The following SULF1 variants were observed in gnomAD, a reference collection of about 807,000 sequenced individuals.
SULF1 encodes sulfatase 1.
SULF1 carries 46 observed loss-of-function variants against 110.5 expected under a neutral mutation model. That is an observed-to-expected ratio of 0.42 (90% confidence interval 0.33 to 0.53). The LOEUF is 0.53. Among genes scored for constraint, SULF1 ranks in the 20% least tolerant of loss-of-function variants. The pLI is 0.12. For missense variants in SULF1, 941 were observed against 1,094.2 expected, an observed-to-expected ratio of 0.86 and a Z score of 1.98; for synonymous variants, 371 against 387.1, an observed-to-expected ratio of 0.96 and a Z score of 0.49.
chr8:69,588,575 TTAAAG>T (rs754150335), intron 7 of SULF1, among the ~76,000 whole-genome samples: 121 of 152,210 alleles, frequency 7.9e-4, no homozygotes, highest in Non-Finnish European at 1.1e-3. Flanking sequence ...TTTCCTGCCC[TTAAAG>T]TAATTAAATT....
intron 3 of SULF1, among the ~76,000 whole-genome samples, chr8:69,520,936 A>C (rs898439639): frequency 6.6e-6 from 1 of 152,176 alleles, no homozygotes. Context: ...AGCTCTTCTT[A>C]TAATGTCCCC....
chr8:69,505,349 A>T (rs1811113732), intron 3 of SULF1, among the ~76,000 whole-genome samples: 1 of 152,126 alleles, frequency 6.6e-6, no homozygotes, highest in African/African-American at 2.4e-5. Flanking sequence ...CCTTTATTGT[A>T]CCTTCTGGAC....
intron 5 of SULF1, among the ~76,000 whole-genome samples, chr8:69,564,553 T>G (rs1815730211): frequency 6.6e-6 from 1 of 152,244 alleles, no homozygotes; most frequent in African/African-American, 2.4e-5. Flanking sequence ...TTTCAGTGGT[T>G]ATTAGTATTA....
chr8:69,634,756 A>G (rs1231850540), intron 19 of SULF1, among the ~76,000 whole-genome samples: 1 of 151,028 alleles, frequency 6.6e-6, no homozygotes, highest in Non-Finnish European at 1.5e-5. Flanking sequence ...AAAAAAAGAG[A>G]GAGAGGCGGA....
upstream of SULF1, among the ~76,000 whole-genome samples, chr8:69,488,244 A>G (rs534363154): frequency 3.7e-4 from 56 of 152,342 alleles, no homozygotes; most frequent in African/African-American, 1.2e-3. Context: ...GTCTATTACA[A>G]TCTCTTGCCT....
At chr8:69,630,934 T>C (rs929374240) in intron 19 of SULF1, among the ~76,000 whole-genome samples, 12 of 152,074 alleles carry the variant, frequency 7.9e-5, no homozygotes, top group African/African-American at 2.2e-4. Context: ...CGTCATTTAG[T>C]ATTAGGTATA....
At chr8:69,547,045 T>A (rs959066425) in intron 3 of SULF1, among the ~76,000 whole-genome samples, 2 of 152,192 alleles carry the variant, frequency 1.3e-5, no homozygotes, top group African/African-American at 4.8e-5. Context: ...CCATGAATGA[T>A]CAAGTTGACA....
At chr8:69,501,500 A>C (rs1429475932) in intron 2 of SULF1, among the ~76,000 whole-genome samples, 1 of 152,244 alleles carries the variant, frequency 6.6e-6, no homozygotes, top group African/African-American at 2.4e-5. Context: ...TTTCCTTTAA[A>C]ATAGGTCTCC....
intron 6 of SULF1, among the ~76,000 whole-genome samples, chr8:69,585,788 CT>C (rs1209886639): frequency 2.0e-5 from 3 of 152,142 alleles, no homozygotes; most frequent in Non-Finnish European, 4.4e-5. Flanking sequence ...CCATTACATA[CT>C]ATACATGTGA....
chr8:69,621,216 G>A lies in SULF1; in HGVS notation c.1559G>A (p.Ser520Asn), dbSNP rs1176155178. ...GYRASRSQRK[S>N]QRQFLRNQGT... is the part of the protein sequence containing the mutation. The stretch of plus-strand genomic sequence containing the variant: ...CGTGCCAGCAGAAGCCAAAGAAAGA[G>A]TCAACGGCAATTCTTGAGAAACCAG... Residue 520 changes from serine to asparagine, a missense_variant, in exon 14 of 23, where the codon AGT becomes AAT. Ser to Asn is a conservative substitution (Grantham distance 46). Around this residue, in one of 3 missense-constraint regions of SULF1, gnomAD observed 822 missense variants for 934.3 expected, o/e 0.88. Transcript: ENST00000402687. The A allele has an allele frequency of 6.2e-7, 1 of 1,613,878 alleles. No homozygotes were observed. Among genetic ancestry groups the A allele is most frequent in the East Asian group, 2.2e-5 (1 of 44,890 alleles).
At chr8:69,511,144 C>T (rs1266774548) in intron 3 of SULF1, among the ~76,000 whole-genome samples, 1 of 152,186 alleles carries the variant, frequency 6.6e-6, no homozygotes, top group East Asian at 1.9e-4. Flanking sequence ...TGTACATTTG[C>T]ACACTTGTGA....
intron 3 of SULF1, among the ~76,000 whole-genome samples, chr8:69,513,532 G>C (rs909521697): frequency 6.6e-5 from 10 of 152,202 alleles, no homozygotes; most frequent in Non-Finnish European, 1.3e-4. Flanking sequence ...TCAACCTTTG[G>C]TCATAGGAAC....
At chr8:69,601,328 T>C (rs1807787430) in intron 9 of SULF1, among the ~76,000 whole-genome samples, 1 of 152,232 alleles carries the variant, frequency 6.6e-6, no homozygotes, top group African/African-American at 2.4e-5. Flanking sequence ...ATGATAATTT[T>C]AACAATGGAT....
intron 3 of SULF1, among the ~76,000 whole-genome samples, chr8:69,542,862 C>G (rs1302987622): frequency 6.6e-6 from 1 of 152,068 alleles, no homozygotes; most frequent in Non-Finnish European, 1.5e-5. Context: ...GTCTCCAGGT[C>G]TATATATTAA....
intron 13 of SULF1, 80 bp from the exon 14 acceptor site, chr8:69,620,953 AAG>A (rs1809547752): frequency 5.6e-6 from 7 of 1,257,080 alleles, no homozygotes; most frequent in Non-Finnish European, 6.6e-6. Context: ...AAAAAGAAAA[AAG>A]AAAAAAACTA....
intron 3 of SULF1, among the ~76,000 whole-genome samples, chr8:69,522,436 G>T (rs1425138973): frequency 6.6e-6 from 1 of 152,084 alleles, no homozygotes; most frequent in Non-Finnish European, 1.5e-5. Context: ...AGAGTGTTGG[G>T]GAGATAGATA....
At chr8:69,479,520 G>A (rs73285797) in intron 1 of SULF1, among the ~76,000 whole-genome samples, 9,738 of 152,166 alleles carry the variant, frequency 0.064, 342 homozygotes, top group African/African-American at 0.076. Flanking sequence ...GAAGAAAGAC[G>A]AACTTATTGC....
At chr8:69,517,734 A>G (rs565598491) in intron 3 of SULF1, among the ~76,000 whole-genome samples, 3 of 152,290 alleles carry the variant, frequency 2.0e-5, no homozygotes, top group Non-Finnish European at 2.9e-5. Context: ...AAAGAAGTCA[A>G]TAGACAGCAA....
intron 22 of SULF1, among the ~76,000 whole-genome samples, chr8:69,650,754 G>GTCCC (rs1812276048): frequency 6.6e-6 from 1 of 152,160 alleles, no homozygotes; most frequent in African/African-American, 2.4e-5. Context: ...GGCCACTGGT[G>GTCCC]TCCCTGCACC....
Sources: allele counts gnomAD v4.1 joint callset (sites outside exome capture counted in the v4.1 genomes callset), GRCh38; gene constraint gnomAD v4.1.1; regional missense constraint gnomAD v4.1.1; transcripts MANE v1.5; gene names NCBI Gene and HGNC (gene_info 2026-07-23, HGNC 2026-07-21).